Variants in SDK1 observed in about 807,000 individuals in gnomAD.
SDK1 encodes protein sidekick-1.
In SDK1, 157 loss-of-function variants were observed where a neutral mutation model predicts 245.5. The ratio of observed to expected loss-of-function variants is 0.64; its 90% confidence interval spans 0.56 to 0.73. SDK1 has a LOEUF of 0.73. Ranked by LOEUF, SDK1 falls within the 30% of genes least tolerant of loss-of-function variation. The pLI is 0.00. For missense variants in SDK1, 3,583 were observed against 3,002.3 expected, an observed-to-expected ratio of 1.19 and a Z score of -4.52; for synonymous variants, 1,647 against 1,278.5, an observed-to-expected ratio of 1.29 and a Z score of -6.15.
In SDK1 at chr7:3,791,389, C is replaced by T. The variant is rs187013825; in HGVS notation, c.714-30061C>T. On this transcript the variant is annotated intron_variant, in intron 4 of 44. Coordinates refer to ENST00000404826, the MANE Select transcript of SDK1 (RefSeq NM_152744.4). ...ATTTTACAAGAAGCTGAGGCAGAAGCCATGTCATATGGACCAGCTCATCAT... is the reference window on the plus strand; with the variant it reads ...ATTTTACAAGAAGCTGAGGCAGAAGTCATGTCATATGGACCAGCTCATCAT... 5.6e-3 allele frequency among the ~76,000 whole-genome samples: 851 copies of T among 152,294 alleles called. 9 individuals are homozygous for T. Among genetic ancestry groups the T allele is most frequent in the African/African-American group, 0.02 (818 of 41,558 alleles).
intron 17 of SDK1, among the ~76,000 whole-genome samples, chr7:4,035,140 A>C: frequency 6.7e-6 from 1 of 149,682 alleles, no homozygotes; most frequent in South Asian, 2.1e-4. Flanking sequence ...CACCATGCCC[A>C]GCTATTTTTT....
intron 1 of SDK1, among the ~76,000 whole-genome samples, chr7:3,597,474 C>G (rs1781103909): frequency 6.6e-6 from 1 of 152,078 alleles, no homozygotes; most frequent in African/African-American, 2.4e-5. Flanking sequence ...AAACAGGACA[C>G]AGAACACCGG....
chr7:3,335,623 T>C (rs1780181141), intron 1 of SDK1, among the ~76,000 whole-genome samples: 1 of 152,158 alleles, frequency 6.6e-6, no homozygotes, highest in South Asian at 2.1e-4. Flanking sequence ...GTGGAGAAAG[T>C]AGTCTGTAAG....
intron 1 of SDK1, chr7:3,302,174 A>G (rs7794279): frequency 0.4 from 63,070 of 156,954 alleles, 13,659 homozygotes; most frequent in South Asian, 0.52. Context: ...AGCTCCTTAA[A>G]AGGATGCCCG....
intron 14 of SDK1, among the ~76,000 whole-genome samples, chr7:3,993,356 AT>A (rs932563753): frequency 1.3e-5 from 2 of 151,252 alleles, no homozygotes; most frequent in East Asian, 1.9e-4. Flanking sequence ...TTTTCTTATG[AT>A]TTTTTTTTCA....
At chr7:3,737,583 G>A (rs1178008336) in intron 4 of SDK1, among the ~76,000 whole-genome samples, 3 of 152,218 alleles carry the variant, frequency 2.0e-5, no homozygotes, top group Non-Finnish European at 4.4e-5. Context: ...CTCTGTGGGT[G>A]CAGTGCCACT....
intron 1 of SDK1, among the ~76,000 whole-genome samples, chr7:3,580,282 G>T (rs750126139): frequency 9.9e-5 from 15 of 152,082 alleles, no homozygotes; most frequent in Non-Finnish European, 1.9e-4. Flanking sequence ...CACAAAACTG[G>T]AAATAACTAT....
At chr7:3,594,230 T>G (rs79086503) in intron 1 of SDK1, among the ~76,000 whole-genome samples, 2 of 152,364 alleles carry the variant, frequency 1.3e-5, no homozygotes, top group African/African-American at 2.4e-5. Flanking sequence ...ACTGACTTGT[T>G]TCACTCAACA....
chr7:4,120,994 A>G (rs1784026395), intron 25 of SDK1, among the ~76,000 whole-genome samples: 1 of 151,658 alleles, frequency 6.6e-6, no homozygotes, highest in Non-Finnish European at 1.5e-5. Flanking sequence ...TTTTTTTTAA[A>G]CAAACATTTC....
In SDK1 at chr7:4,264,329, C is replaced by T. The variant is rs185795102; in HGVS notation, c.6382-795C>T. ...TAGACCTCTCCTGAGTGAGGGAGGC[C>T]GCGTAGATCTCTCCTGAGTGAGGAG... is the stretch of plus-strand genomic sequence containing the variant. On this transcript the variant is annotated intron_variant, in intron 44 of 44. Coordinates refer to ENST00000404826, the MANE Select transcript of SDK1 (RefSeq NM_152744.4). 1.7e-3 allele frequency among the ~76,000 whole-genome samples: 246 copies of T among 145,260 alleles called. 6 individuals carry two copies. Among genetic ancestry groups the T allele is most frequent in the African/African-American group, 5.9e-3 (231 of 38,834 alleles).
At chr7:3,483,462 G>A (rs923853152) in intron 1 of SDK1, among the ~76,000 whole-genome samples, 1 of 152,000 alleles carries the variant, frequency 6.6e-6, no homozygotes, top group Non-Finnish European at 1.5e-5. Flanking sequence ...TACTTTTTCT[G>A]ATTGCCTCTG....
intron 17 of SDK1, among the ~76,000 whole-genome samples, chr7:4,029,217 T>TC (rs1358111649): frequency 9.7e-5 from 12 of 124,000 alleles, no homozygotes; most frequent in African/African-American, 4.2e-4. Flanking sequence ...ATTCTTTCTT[T>TC]TTTTTTTTTT....
At chr7:3,454,240 A>G (rs1026259649) in intron 1 of SDK1, among the ~76,000 whole-genome samples, 1 of 152,212 alleles carries the variant, frequency 6.6e-6, no homozygotes, top group African/African-American at 2.4e-5. Flanking sequence ...AGGTCCACAA[A>G]TAAAATCGAT....
intron 13 of SDK1, among the ~76,000 whole-genome samples, chr7:3,982,924 G>A (rs1313597289): frequency 6.6e-6 from 1 of 152,128 alleles, no homozygotes; most frequent in Non-Finnish European, 1.5e-5. Flanking sequence ...GTTGATTCCA[G>A]CCCTCATGGA....
intron 1 of SDK1, among the ~76,000 whole-genome samples, chr7:3,480,291 C>G: frequency 6.6e-6 from 1 of 152,184 alleles, no homozygotes; most frequent in East Asian, 1.9e-4. Flanking sequence ...CACAGAGTGG[C>G]TCATGTGAAA....
At chr7:3,959,069 A>C (rs1355992678) in intron 8 of SDK1, 55 bp downstream of exon 8, 1 of 1,319,594 alleles carries the variant, frequency 7.6e-7, no homozygotes. Context: ...AAGGGAAACA[A>C]CCTTTTTCCA....
chr7:3,535,882 A>G (rs184893020), intron 1 of SDK1, among the ~76,000 whole-genome samples: 3 of 152,288 alleles, frequency 2.0e-5, no homozygotes, highest in Admixed American at 2.0e-4. Context: ...CAGGCACTAT[A>G]TCATTTTTTC....
intron 4 of SDK1, among the ~76,000 whole-genome samples, chr7:3,692,382 C>T (rs2114997125): frequency 6.6e-6 from 1 of 152,000 alleles, no homozygotes; most frequent in South Asian, 2.1e-4. Context: ...CACCTGTGCC[C>T]ATGTGTATTT....
chr7:3,952,721 C>T (rs1302812907), intron 7 of SDK1, among the ~76,000 whole-genome samples: 1 of 151,718 alleles, frequency 6.6e-6, no homozygotes. Flanking sequence ...AGAGATGCTT[C>T]CTCAAACTGG....
Sources: allele counts gnomAD v4.1 joint callset (sites outside exome capture counted in the v4.1 genomes callset), GRCh38; gene constraint gnomAD v4.1.1; transcripts MANE v1.5; gene names NCBI Gene and HGNC (gene_info 2026-07-23, HGNC 2026-07-21).